Variants in CRX observed in about 807,000 individuals in gnomAD.
CRX encodes cone-rod homeobox.
A neutral mutation model predicts 13.1 loss-of-function variants in CRX; 5 were observed. That is an observed-to-expected ratio of 0.38 (90% CI 0.20 to 0.80). The LOEUF (loss-of-function observed/expected upper bound fraction) is 0.80. Ranked by LOEUF, CRX falls within the 30% of genes least tolerant of loss-of-function variation. The pLI, the probability that CRX is intolerant of heterozygous loss-of-function variation, is 0.43. For synonymous variants in CRX, 179 were observed against 171.1 expected, an observed-to-expected ratio of 1.05 and a Z score of -0.36; for missense variants, 351 against 391.8, an observed-to-expected ratio of 0.90 and a Z score of 0.88.
intron 1 of CRX, among the ~76,000 whole-genome samples, chr19:47,825,141 G>A (rs986875975): frequency 2.0e-5 from 3 of 151,514 alleles, no homozygotes; most frequent in South Asian, 2.1e-4. Flanking sequence ...CACCATGCCC[G>A]GCTAATTTTT....
Position 47,839,065 on chromosome 19 carries a change from G to C in CRX, c.253-255G>C, listed in dbSNP as rs143846446. Among the ~76,000 whole-genome samples the C allele has an allele frequency of 6.6e-6, 1 of 152,076 alleles. No homozygotes were observed. Among genetic ancestry groups the C allele is most frequent in the East Asian group, 1.9e-4 (1 of 5,190 alleles). ...ATGGTGTATGCATGTATAATTGTAC[G>C]TGTGCATGTTTGCATTAGACGGATG... On this transcript the variant is annotated intron_variant, in intron 3 of 3. Transcript: ENST00000221996. This position sits in a 1 kb window ranked among gnomAD's most constrained non-coding sequence, Gnocchi z 4.6.
chr19:47,831,183 T>C (rs1341876493), intron 1 of CRX, among the ~76,000 whole-genome samples: 1 of 151,468 alleles, frequency 6.6e-6, no homozygotes, highest in African/African-American at 2.4e-5. Flanking sequence ...GGCGCATGCC[T>C]GTAATCCCAG....
chr19:47,829,324 A>T (rs1968015518), intron 1 of CRX, among the ~76,000 whole-genome samples: 1 of 149,876 alleles, frequency 6.7e-6, no homozygotes, highest in Admixed American at 6.6e-5. Context: ...TTTTAAATTT[A>T]CTTTATTATT....
chr19:47,822,527 G>T (rs2123727395), intron 1 of CRX, among the ~76,000 whole-genome samples: 1 of 152,304 alleles, frequency 6.6e-6, no homozygotes, highest in Middle Eastern at 3.4e-3. Flanking sequence ...ATGAATGACA[G>T]ACAAGGGACG....
At chr19:47,825,139 C>A (rs1967960545) in intron 1 of CRX, among the ~76,000 whole-genome samples, 1 of 151,196 alleles carries the variant, frequency 6.6e-6, no homozygotes, top group Non-Finnish European at 1.5e-5. Flanking sequence ...AACACCATGC[C>A]CGGCTAATTT....
intron 1 of CRX, 31 bp from the exon 2 acceptor site, chr19:47,834,378 G>C: frequency 8.2e-7 from 1 of 1,220,952 alleles, no homozygotes; most frequent in Non-Finnish European, 1.2e-6. Context: ...TAACTGGTAA[G>C]TGAGTGAGCA....
In CRX at chr19:47,841,868, G is replaced by C; in HGVS notation, c.*1901G>C. ...CACAAGGCAAGGTGTAAAAAAAAAA[G>C]TAGGGCAGGAAGACAGTGGTGTGCT... is the stretch of plus-strand genomic sequence containing the variant. On this transcript the variant is annotated 3_prime_UTR_variant, in exon 4 of 4. Transcript: ENST00000221996. The C allele has an allele frequency of 6.6e-6, 1 of 151,116 alleles. No individual in the cohort carries two copies. The highest frequency in any genetic ancestry group is 1.9e-4 in the East Asian group (1 of 5,166). 9.4% of individuals were successfully genotyped at this position (151,116 alleles called of 1,614,324 possible). A position where few individuals can be genotyped will look rare whatever the true frequency, so the allele number is the denominator to read the frequency against.
intron 1 of CRX, among the ~76,000 whole-genome samples, chr19:47,825,134 C>G (rs1461034664): frequency 6.6e-6 from 1 of 151,458 alleles, no homozygotes; most frequent in Non-Finnish European, 1.5e-5. Context: ...GGGACAACAC[C>G]ATGCCCGGCT....
At chr19:47,830,951 A>G (rs1191834293) in intron 1 of CRX, among the ~76,000 whole-genome samples, 1 of 152,106 alleles carries the variant, frequency 6.6e-6, no homozygotes, top group East Asian at 1.9e-4. Context: ...ACCAGAGAGA[A>G]ATCATTTGCA....
At chr19:47,824,358 G>A (rs1370802906) in intron 1 of CRX, among the ~76,000 whole-genome samples, 1 of 152,206 alleles carries the variant, frequency 6.6e-6, no homozygotes, top group African/African-American at 2.4e-5. Flanking sequence ...GATCAGGAGG[G>A]CACCGGCTCC....
In CRX at chr19:47,839,914, A is replaced by G; in HGVS notation, c.847A>G (p.Met283Val). The change falls in exon 4 of 4, where the codon ATG becomes GTG. Residue 283 changes from methionine (M) to valine (V), a missense_variant. Physicochemically the swap from Met to Val is conservative, Grantham distance 21. Around this residue, in one of 3 missense-constraint regions of CRX, gnomAD observed 253 missense variants for 268.3 expected, o/e 0.94. Transcript: ENST00000221996. The surrounding 1 kb of genome is among the most constrained non-coding windows in gnomAD (Gnocchi z 4.6). ...TGTWKFTYNP[M>V]DPLDYKDQSA... ...CACCTGGAAATTCACCTACAATCCC[A>G]TGGACCCTCTGGACTACAAGGATCA... 6.2e-7 allele frequency: 1 copy of G among 1,614,016 alleles called. No individual in the cohort carries two copies. The highest frequency in any genetic ancestry group is 8.5e-7 in the Non-Finnish European group (1 of 1,179,998).
chr19:47,827,673 A>G (rs1967991209), intron 1 of CRX, among the ~76,000 whole-genome samples: 1 of 146,184 alleles, frequency 6.8e-6, no homozygotes, highest in Non-Finnish European at 1.5e-5. Flanking sequence ...ACAGGCACCC[A>G]TCATCATGTC....
chr19:47,840,089 C>A lies in CRX; in HGVS notation c.*122C>A. ...AAAGCAACCCGAACCAGCTGTCCTT[C>A]TGACAGCTCGGTGTTCAGCTTACAG... On this transcript the variant is annotated 3_prime_UTR_variant, in exon 4 of 4. Coordinates refer to ENST00000221996, the MANE Select transcript of CRX (RefSeq NM_000554.6). The A allele has an allele frequency of 8.6e-7, 1 of 1,163,808 alleles. No homozygotes were observed. Among genetic ancestry groups the A allele is most frequent in the Non-Finnish European group, 1.2e-6 (1 of 805,794 alleles). 72.1% of individuals were successfully genotyped at this position (1,163,808 alleles called of 1,614,324 possible). A position where few individuals can be genotyped will look rare whatever the true frequency, so the allele number is the denominator to read the frequency against.
intron 1 of CRX, among the ~76,000 whole-genome samples, chr19:47,827,691 T>G (rs1967991466): frequency 6.7e-6 from 1 of 150,050 alleles, no homozygotes; most frequent in South Asian, 2.1e-4. Flanking sequence ...GTCTGGCTAA[T>G]TTTTGTATTT....
chr19:47,832,109 T>TTTTTTTTTTG (rs1198157890), intron 1 of CRX, among the ~76,000 whole-genome samples: 1 of 132,312 alleles, frequency 7.6e-6, no homozygotes, highest in African/African-American at 3.0e-5. Context: ...CCTTATGTTT[T>TTTTTTTTTTG]TTTTTTTTTT....
chr19:47,835,143 C>T (rs1468364056), intron 2 of CRX, among the ~76,000 whole-genome samples: 4 of 152,068 alleles, frequency 2.6e-5, no homozygotes, highest in Admixed American at 6.6e-5. Context: ...TACAGGTGCA[C>T]GCCACCATGC....
rs558140064 is a variant in CRX at position 47,839,029 on chromosome 19, T to C, written c.253-291T>C. 3.3e-5 allele frequency among the ~76,000 whole-genome samples: 5 copies of C among 152,114 alleles called. No individual in the cohort carries two copies. In the East Asian group the frequency reaches 7.7e-4, roughly 24 times the overall value. On this transcript the variant is annotated intron_variant, in intron 3 of 3. Coordinates refer to ENST00000221996, the MANE Select transcript of CRX (RefSeq NM_000554.6). The surrounding 1 kb of genome is among the most constrained non-coding windows in gnomAD (Gnocchi z 4.6). ...TATCGATGGGTAAATGCAGGCATGATGTATGTGCGTATGGTGTATGCATGT... is the reference window on the plus strand; with the variant it reads ...TATCGATGGGTAAATGCAGGCATGACGTATGTGCGTATGGTGTATGCATGT...
chr19:47,825,686 G>A (rs916719036), intron 1 of CRX, among the ~76,000 whole-genome samples: 1 of 151,580 alleles, frequency 6.6e-6, no homozygotes, highest in Non-Finnish European at 1.5e-5. Flanking sequence ...TAGGGAGGCC[G>A]AGGTGGGCGG....
At chr19:47,838,578 T>C (rs1968147848) in intron 3 of CRX, among the ~76,000 whole-genome samples, 1 of 152,138 alleles carries the variant, frequency 6.6e-6, no homozygotes, top group African/African-American at 2.4e-5. Context: ...CATGTACACT[T>C]GCATGTATGA....
Sources: allele counts gnomAD v4.1 joint callset (sites outside exome capture counted in the v4.1 genomes callset), GRCh38; gene constraint gnomAD v4.1.1; regional missense constraint gnomAD v4.1.1; non-coding constraint Gnocchi (gnomAD v3.1); transcripts MANE v1.5; gene names NCBI Gene and HGNC (gene_info 2026-07-23, HGNC 2026-07-21).